PACRG: variants seen among roughly 807,000 people sequenced by gnomAD.
The protein encoded by PACRG is parkin coregulated gene protein.
PACRG carries 29 observed loss-of-function variants against 29.7 expected under a neutral mutation model. That is an observed-to-expected ratio of 0.98 (90% confidence interval 0.73 to 1.33). PACRG has a LOEUF of 1.33. Among genes scored for constraint, PACRG ranks in the 40% most tolerant of loss-of-function variants. The pLI is 0.00. For synonymous variants in PACRG, 116 were observed against 118.7 expected (o/e 0.98, Z 0.15); for missense variants, 279 against 316.2 (o/e 0.88, Z 0.89).
At chr6:162,808,783 C>A (rs552716148) in intron 1 of PACRG, among the ~76,000 whole-genome samples, 53 of 152,168 alleles carry the variant, frequency 3.5e-4, no homozygotes, top group African/African-American at 9.4e-4. Flanking sequence ...CCACAAATCT[C>A]GTTTGATTTA....
At chr6:163,313,061 C>G (rs978049399) in intron 4 of PACRG, among the ~76,000 whole-genome samples, 3 of 151,746 alleles carry the variant, frequency 2.0e-5, no homozygotes, top group African/African-American at 4.8e-5. Context: ...CAGCATCTCT[C>G]TCTCTCTCTC....
In PACRG at chr6:163,092,366, G is replaced by A. The variant is rs75419879; in HGVS notation, c.613+2958G>A. Among the ~76,000 whole-genome samples, 538 of 152,250 alleles carry A rather than the reference G, an allele frequency of 3.5e-3. 12 individuals carry two copies. In the East Asian group the frequency reaches 0.064, roughly 18 times the overall value. On this transcript the variant is annotated intron_variant, in intron 4 of 4. Coordinates refer to ENST00000366888, the MANE Select transcript of PACRG (RefSeq NM_001080379.2). ...GACCAGTTGGAAATCAAGTAGGGGA[G>A]GGAGGAACAGTCCATGCTCACAGCA...
At chr6:162,790,650 A>G (rs1415512469) in intron 1 of PACRG, among the ~76,000 whole-genome samples, 1 of 152,110 alleles carries the variant, frequency 6.6e-6, no homozygotes, top group Non-Finnish European at 1.5e-5. Context: ...CCCTTTTCCC[A>G]ATCCCTTGTA....
intron 4 of PACRG, 128 bp from the exon 5 acceptor site, chr6:163,314,699 A>G (rs1482184568): frequency 9.4e-7 from 1 of 1,063,124 alleles, no homozygotes; most frequent in African/African-American, 1.6e-5. Context: ...AAACTCCGCA[A>G]GATCGTGTAA....
intron 2 of PACRG, among the ~76,000 whole-genome samples, chr6:162,821,446 G>T (rs1787832771): frequency 6.6e-6 from 1 of 152,190 alleles, no homozygotes; most frequent in Non-Finnish European, 1.5e-5. Flanking sequence ...AATGTTGTAA[G>T]TTTCAGATCT....
intron 2 of PACRG, among the ~76,000 whole-genome samples, chr6:162,931,251 T>C (rs1392614655): frequency 6.6e-6 from 1 of 151,924 alleles, no homozygotes; most frequent in Non-Finnish European, 1.5e-5. Flanking sequence ...TGCAAATATT[T>C]TCTTCCAGCA....
intron 4 of PACRG, among the ~76,000 whole-genome samples, chr6:163,252,294 C>T (rs747547137): frequency 3.9e-5 from 6 of 152,272 alleles, no homozygotes; most frequent in African/African-American, 9.6e-5. Context: ...GGCCAGGCGC[C>T]GGCCTTCGTT....
chr6:162,792,283 A>G lies in PACRG; in HGVS notation c.157-21864A>G, dbSNP rs563609661. Among the ~76,000 whole-genome samples the G allele has an allele frequency of 5.9e-5, 9 of 152,240 alleles. No homozygotes were observed. The South Asian group carries it at 1.7e-3, about 28-fold the overall frequency. ...TTGTACCGACTGACCATGACTTTAA[A>G]CTGGGTCAGGCAGGAGGGCAGAAAT... is the stretch of plus-strand genomic sequence containing the variant. On this transcript the variant is annotated intron_variant, in intron 1 of 4. Transcript: ENST00000366888.
At chr6:162,883,241 C>T (rs79855404) in intron 2 of PACRG, among the ~76,000 whole-genome samples, 6 of 151,854 alleles carry the variant, frequency 4.0e-5, no homozygotes, top group Non-Finnish European at 8.8e-5. Context: ...ACTGATGTTA[C>T]GTAAACTGTC....
At chr6:162,929,766 G>T (rs1210260459) in intron 2 of PACRG, among the ~76,000 whole-genome samples, 1 of 151,932 alleles carries the variant, frequency 6.6e-6, no homozygotes, top group Non-Finnish European at 1.5e-5. Context: ...GATGGTGAGA[G>T]GTAGGGGTCT....
At chr6:163,117,253 G>C (rs1476394720) in intron 4 of PACRG, among the ~76,000 whole-genome samples, 4 of 152,184 alleles carry the variant, frequency 2.6e-5, no homozygotes, top group Non-Finnish European at 5.9e-5. Context: ...ACCCTTCTTG[G>C]TGCCAGCAAC....
chr6:163,135,743 C>T (rs1324099878), intron 4 of PACRG, among the ~76,000 whole-genome samples: 2 of 152,162 alleles, frequency 1.3e-5, no homozygotes, highest in Non-Finnish European at 2.9e-5. Context: ...AATGGCTCTC[C>T]GATCTACAAG....
At chr6:162,871,128 A>G (rs1285288396) in intron 2 of PACRG, among the ~76,000 whole-genome samples, 2 of 152,244 alleles carry the variant, frequency 1.3e-5, no homozygotes, top group Non-Finnish European at 2.9e-5. Context: ...TAGATGGGTT[A>G]GTCAGAAAAG....
chr6:162,927,348 C>T (rs949915988), intron 2 of PACRG, among the ~76,000 whole-genome samples: 1 of 151,916 alleles, frequency 6.6e-6, no homozygotes, highest in African/African-American at 2.4e-5. Flanking sequence ...AAGATACATG[C>T]AAATGTATGT....
chr6:163,275,427 C>T (rs536943123), intron 4 of PACRG, among the ~76,000 whole-genome samples: 31 of 152,134 alleles, frequency 2.0e-4, no homozygotes, highest in Non-Finnish European at 3.4e-4. Flanking sequence ...TTTTTGTCAT[C>T]GCTAGGTTGC....
At chr6:162,769,537 A>G (rs1401181676) in intron 1 of PACRG, among the ~76,000 whole-genome samples, 1 of 152,006 alleles carries the variant, frequency 6.6e-6, no homozygotes, top group African/African-American at 2.4e-5. Context: ...TGCCTCGTCT[A>G]TAGGGATAGT....
intron 4 of PACRG, among the ~76,000 whole-genome samples, chr6:163,141,514 C>T (rs943168786): frequency 6.7e-6 from 1 of 149,966 alleles, no homozygotes; most frequent in Admixed American, 6.6e-5. Context: ...AGTTTTCAGT[C>T]GTCAGCCAAA....
At chr6:163,292,261 A>T (rs999488106) in intron 4 of PACRG, among the ~76,000 whole-genome samples, 4 of 152,200 alleles carry the variant, frequency 2.6e-5, no homozygotes, top group African/African-American at 9.7e-5. Flanking sequence ...GCACTTTCAC[A>T]AGTGGCAAGA....
At chr6:163,044,548 T>C (rs144569571) in intron 2 of PACRG, 18 of 152,360 alleles carry the variant, frequency 1.2e-4, no homozygotes, top group African/African-American at 4.3e-4. Context: ...GTGATGCTAG[T>C]TGTTTAGTGT....
Sources: allele counts gnomAD v4.1 joint callset (sites outside exome capture counted in the v4.1 genomes callset), GRCh38; gene constraint gnomAD v4.1.1; transcripts MANE v1.5; gene names NCBI Gene and HGNC (gene_info 2026-07-23, HGNC 2026-07-21).